SH3KBP1: variants seen among roughly 807,000 people sequenced by gnomAD.
SH3KBP1 encodes SH3 domain containing kinase binding protein 1.
A neutral mutation model predicts 50.1 loss-of-function variants in SH3KBP1; 8 were observed. The observed-to-expected ratio is 0.16, with a 90% CI of 0.09 to 0.29. The LOEUF (loss-of-function observed/expected upper bound fraction) is 0.29. Among genes scored for constraint, SH3KBP1 ranks in the 10% least tolerant of loss-of-function variants. SH3KBP1 has a pLI of 1.00. For synonymous variants in SH3KBP1, 227 were observed against 218.6 expected, an observed-to-expected ratio of 1.04 and a Z score of -0.34; for missense variants, 377 against 535.2, an observed-to-expected ratio of 0.70 and a Z score of 2.92.
chrX:19,720,387 G>A (rs2064023148), intron 3 of SH3KBP1, among the ~76,000 whole-genome samples: 1 of 111,104 alleles, frequency 9.0e-6, no homozygotes, highest in African/African-American at 3.3e-5. Context: ...ATTTTCAGAG[G>A]AGAAAATCCA....
chrX:19,547,794 T>TC (rs2065127066), intron 14 of SH3KBP1, among the ~76,000 whole-genome samples: 1 of 111,756 alleles, frequency 8.9e-6, no homozygotes, highest in African/African-American at 3.3e-5. Flanking sequence ...CTCCATCATT[T>TC]CCCCCAGTGG....
At chrX:19,563,353 C>A (rs1363705350) in intron 13 of SH3KBP1, among the ~76,000 whole-genome samples, 1 of 112,209 alleles carries the variant, frequency 8.9e-6, no homozygotes, top group Non-Finnish European at 1.9e-5. Context: ...TCCTCAGCAG[C>A]ACACCTCCAC....
intron 2 of SH3KBP1, among the ~76,000 whole-genome samples, chrX:19,802,402 GC>G (rs1271016975): frequency 9.0e-5 from 10 of 110,977 alleles, no homozygotes; most frequent in Non-Finnish European, 1.1e-4. Flanking sequence ...TAAAAACCTT[GC>G]CTGGGAGCAG....
rs189438645 is a variant in SH3KBP1, at chrX:19,669,562, G to A, written c.726+14261C>T. Among the ~76,000 whole-genome samples the A allele has an allele frequency of 1.7e-3, 186 of 110,769 alleles. 2 individuals are homozygous for A. The highest frequency in any genetic ancestry group is 5.9e-3 in the African/African-American group (179 of 30,435). ...TTTTTCACACCTTACAATCAATCAT[G>A]CTTTCACTCATTTCCCCAAGGAAGA... On this transcript the variant is annotated intron_variant, in intron 6 of 17. Transcript: ENST00000397821.
At chrX:19,681,963 C>T (rs1003627447) in intron 6 of SH3KBP1, among the ~76,000 whole-genome samples, 46 of 110,565 alleles carry the variant, frequency 4.2e-4, no homozygotes, top group African/African-American at 1.5e-3. Flanking sequence ...AGTGATGAGA[C>T]CTAGGTGGAT....
chrX:19,842,188 T>C (rs759171940), intron 1 of SH3KBP1, among the ~76,000 whole-genome samples: 79 of 112,194 alleles, frequency 7.0e-4, no homozygotes, highest in African/African-American at 2.5e-3. Context: ...AGTATTAAAC[T>C]GTACACTTAA....
At chrX:19,696,168 A>G (rs2063411027) in intron 4 of SH3KBP1, among the ~76,000 whole-genome samples, 1 of 111,901 alleles carries the variant, frequency 8.9e-6, no homozygotes, top group African/African-American at 3.3e-5. Flanking sequence ...GGTGATAGTT[A>G]TTACACCTAC....
intron 13 of SH3KBP1, among the ~76,000 whole-genome samples, chrX:19,554,017 A>ATATTAAAATATAATATAT (rs2065351272): frequency 1.6e-5 from 1 of 64,264 alleles, no homozygotes; most frequent in African/African-American, 9.4e-5. Context: ...AATATATAAT[A>ATATTAAAATATAATATAT]TATATTAAAA....
intron 8 of SH3KBP1, among the ~76,000 whole-genome samples, chrX:19,620,557 G>A (rs925423419): frequency 1.8e-5 from 2 of 112,156 alleles, no homozygotes; most frequent in African/African-American, 6.5e-5. Context: ...CAGGCCCTCG[G>A]GCTGCTCAGC....
chrX:19,535,706 A>AT lies in SH3KBP1; in HGVS notation c.*710dup, dbSNP rs2064690530. ...ATAAGTGGCAGATTTTTTTTTTTTA[A>AT]TTTTTAATTTTTTTGAATCATGGTA... On this transcript the variant is annotated 3_prime_UTR_variant, in exon 18 of 18. Coordinates refer to ENST00000397821, the MANE Select transcript of SH3KBP1 (RefSeq NM_031892.3). 9.1e-6 allele frequency: 1 copy of AT among 110,364 alleles called. No individual in the cohort carries two copies. The highest frequency in any genetic ancestry group is 1.9e-5 in the Non-Finnish European group (1 of 52,692). The allele number at this position is 110,364 out of a possible 1,213,427, so 9.1% of individuals were successfully genotyped here.
intron 3 of SH3KBP1, among the ~76,000 whole-genome samples, chrX:19,734,558 T>C (rs1179424982): frequency 9.0e-6 from 1 of 111,634 alleles, no homozygotes; most frequent in African/African-American, 3.3e-5. Context: ...CCATAAAATT[T>C]ACCCATTTCA....
At chrX:19,600,616 G>C (rs997876776) in intron 9 of SH3KBP1, among the ~76,000 whole-genome samples, 1 of 111,217 alleles carries the variant, frequency 9.0e-6, no homozygotes, top group Non-Finnish European at 1.9e-5. Flanking sequence ...GGGGTCCTCC[G>C]GGCTAAGTAG....
chrX:19,746,900 T>C (rs1168069335), intron 2 of SH3KBP1, among the ~76,000 whole-genome samples: 3 of 112,324 alleles, frequency 2.7e-5, no homozygotes, highest in Non-Finnish European at 5.6e-5. Context: ...AAGAAGATGA[T>C]TCTAATGCAT....
intron 3 of SH3KBP1, among the ~76,000 whole-genome samples, chrX:19,708,283 G>C (rs1238339419): frequency 8.9e-6 from 1 of 112,631 alleles, no homozygotes; most frequent in Non-Finnish European, 1.9e-5. Context: ...AGCAAGAACA[G>C]AGTTGAATAG....
At chrX:19,799,098 C>T (rs1056359671) in intron 2 of SH3KBP1, among the ~76,000 whole-genome samples, 1 of 110,260 alleles carries the variant, frequency 9.1e-6, no homozygotes, top group African/African-American at 3.3e-5. Context: ...TTCTTACCCC[C>T]ACCCCCTTTA....
chrX:19,597,878 T>A (rs957301738), intron 9 of SH3KBP1, among the ~76,000 whole-genome samples: 2 of 112,841 alleles, frequency 1.8e-5, no homozygotes, highest in African/African-American at 6.4e-5. Context: ...TCCTAGATTA[T>A]CTCTTCTTTC....
chrX:19,682,656 G>C (rs922380427), intron 6 of SH3KBP1, among the ~76,000 whole-genome samples: 2 of 110,369 alleles, frequency 1.8e-5, no homozygotes, highest in Non-Finnish European at 3.8e-5. Flanking sequence ...AAGGAACAAT[G>C]CTGACTCAAA....
intron 2 of SH3KBP1, among the ~76,000 whole-genome samples, chrX:19,793,659 G>C (rs966372841): frequency 9.0e-6 from 1 of 111,710 alleles, no homozygotes; most frequent in African/African-American, 3.3e-5. Context: ...CACACACTTA[G>C]GGTTTCAATG....
chrX:19,766,543 C>T (rs185832146), intron 2 of SH3KBP1, among the ~76,000 whole-genome samples: 6 of 76,407 alleles, frequency 7.9e-5, no homozygotes, highest in Admixed American at 2.0e-4. Context: ...CTTGCTCCGT[C>T]GCCCAGGCTG....
Sources: allele counts gnomAD v4.1 joint callset (sites outside exome capture counted in the v4.1 genomes callset), GRCh38; gene constraint gnomAD v4.1.1; transcripts MANE v1.5; gene names NCBI Gene and HGNC (gene_info 2026-07-23, HGNC 2026-07-21).